The following PARP16 variants were observed in gnomAD, a reference collection of about 807,000 sequenced individuals.
The protein encoded by PARP16 is poly(ADP-ribose) polymerase family member 16.
Under a neutral mutation model 35.0 loss-of-function variants are expected in PARP16, and 31 were observed. The ratio of observed to expected loss-of-function variants is 0.88; its 90% CI spans 0.66 to 1.19. The LOEUF (loss-of-function observed/expected upper bound fraction) is 1.19. Ranked by LOEUF, PARP16 falls within the 50% of genes most tolerant of loss-of-function variation. PARP16 has a pLI of 0.00. For synonymous variants in PARP16, 162 were observed against 169.5 expected, an observed-to-expected ratio of 0.96 and a Z score of 0.34; for missense variants, 424 against 411.2, an observed-to-expected ratio of 1.03 and a Z score of -0.27.
At chr15:65,238,963 T>C (rs911219373) in intron 3 of PARP16, among the ~76,000 whole-genome samples, 3 of 152,030 alleles carry the variant, frequency 2.0e-5, no homozygotes, top group African/African-American at 7.3e-5. Context: ...ACCCTATTTC[T>C]ACAAAAAATA....
At chr15:65,244,450 C>G (rs2089156844) in intron 3 of PARP16, among the ~76,000 whole-genome samples, 1 of 152,088 alleles carries the variant, frequency 6.6e-6, no homozygotes, top group Non-Finnish European at 1.5e-5. Context: ...TGGCAGCAGG[C>G]AAGAGAGTGT....
At chr15:65,231,455 C>CT (rs1213680405), downstream of PARP16, among the ~76,000 whole-genome samples, 5,864 of 142,022 alleles carry the variant, frequency 0.041, 148 homozygotes, top group Middle Eastern at 0.11. Flanking sequence ...CAAATTATAC[C>CT]TTTTTTTTTT....
intron 2 of PARP16, among the ~76,000 whole-genome samples, chr15:65,269,192 C>T (rs924066677): frequency 7.5e-5 from 11 of 147,254 alleles, no homozygotes; most frequent in African/African-American, 2.9e-4. Context: ...TTCTTTCTTT[C>T]TTTCTTTCTT....
chr15:65,263,600 G>A (rs185953834), intron 3 of PARP16, among the ~76,000 whole-genome samples: 1 of 152,142 alleles, frequency 6.6e-6, no homozygotes, highest in Non-Finnish European at 1.5e-5. Flanking sequence ...GAAAAACATA[G>A]GTATAAGCAT....
chr15:65,256,583 A>G (rs974597540), downstream of PARP16, among the ~76,000 whole-genome samples: 3 of 151,604 alleles, frequency 2.0e-5, no homozygotes, highest in South Asian at 4.2e-4. Context: ...AATTTTTTGT[A>G]TTTTTAGTAG....
chr15:65,279,520 A>C (rs2090355667), intron 1 of PARP16, among the ~76,000 whole-genome samples: 1 of 152,062 alleles, frequency 6.6e-6, no homozygotes, highest in African/African-American at 2.4e-5. Context: ...CAGTCACATA[A>C]TATTATATGT....
chr15:65,243,830 T>G (rs1351311431), intron 3 of PARP16, among the ~76,000 whole-genome samples: 1 of 152,106 alleles, frequency 6.6e-6, no homozygotes, highest in Admixed American at 6.6e-5. Context: ...GGCCTTCCCC[T>G]CACTCCTCCC....
intron 3 of PARP16, among the ~76,000 whole-genome samples, chr15:65,240,837 A>G (rs1439656500): frequency 1.3e-5 from 2 of 151,930 alleles, no homozygotes; most frequent in African/African-American, 4.8e-5. Context: ...AACTGTTTCT[A>G]TTTTTATTGT....
intron 1 of PARP16, among the ~76,000 whole-genome samples, chr15:65,275,957 G>C (rs2090240583): frequency 6.6e-6 from 1 of 152,132 alleles, no homozygotes; most frequent in South Asian, 2.1e-4. Flanking sequence ...TCTAGGCCCA[G>C]AGAGCCCCAC....
intron 3 of PARP16, among the ~76,000 whole-genome samples, chr15:65,239,561 C>T (rs1039632058): frequency 6.6e-6 from 1 of 151,382 alleles, no homozygotes; most frequent in Non-Finnish European, 1.5e-5. Flanking sequence ...CCCTTCCCCA[C>T]CTCCCATTCC....
chr15:65,255,743 G>GAAAAAAAA (rs56665485), downstream of PARP16, among the ~76,000 whole-genome samples: 5 of 57,156 alleles, frequency 8.7e-5, no homozygotes, highest in Admixed American at 1.8e-4. Flanking sequence ...AGAAAACTCA[G>GAAAAAAAA]AAAAAAAAAA....
chr15:65,243,640 G>T (rs2089137107), intron 3 of PARP16, among the ~76,000 whole-genome samples: 1 of 152,144 alleles, frequency 6.6e-6, no homozygotes, highest in African/African-American at 2.4e-5. Flanking sequence ...TATTCTGGAA[G>T]ATTTTATATC....
At chr15:65,264,567 T>C (rs940533096) in intron 3 of PARP16, among the ~76,000 whole-genome samples, 1 of 152,222 alleles carries the variant, frequency 6.6e-6, no homozygotes, top group Non-Finnish European at 1.5e-5. Context: ...TGGGAAGCTC[T>C]TTGCCAAGTT....
At chr15:65,272,003 A>G (rs1290283347) in intron 1 of PARP16, among the ~76,000 whole-genome samples, 1 of 152,322 alleles carries the variant, frequency 6.6e-6, no homozygotes, top group Middle Eastern at 3.4e-3. Context: ...GAACACTGGA[A>G]GCTTTGTTGA....
chr15:65,250,106 CCTTTTTTTTTTTTT>C (rs2089317425), intron 2 of PARP16, among the ~76,000 whole-genome samples: 1 of 104,198 alleles, frequency 9.6e-6, no homozygotes, highest in Admixed American at 1.1e-4. Context: ...CACCTGCTTG[CCTTTTTTTTTTTTT>C]TTTTTTTTTT....
chr15:65,246,673 A>T (rs2089217092), intron 3 of PARP16, among the ~76,000 whole-genome samples: 1 of 152,176 alleles, frequency 6.6e-6, no homozygotes, highest in Non-Finnish European at 1.5e-5. Context: ...CCTGTCTTTC[A>T]TAGTACTTAT....
Position 65,260,938 on chromosome 15 carries a change from GT to G in PARP16, c.779del (p.Asn260ThrfsTer6). 1 of 1,613,994 alleles carries G rather than the reference GT, an allele frequency of 6.2e-7. No individual in the cohort carries two copies. The highest frequency in any genetic ancestry group is 8.5e-7 in the Non-Finnish European group (1 of 1,179,912). On this transcript the variant is annotated frameshift_variant, in exon 5 of 6. Transcript: ENST00000649807. LOFTEE classifies it high-confidence loss of function. ...IPPKYFVVTN[N>X]QLLRVKYLLV... ...GGAGGTACTTCACTCGCAGCAGCTG[GT>G]TATTGGTGACCACGAAGTACTTGGG...
intron 2 of PARP16, among the ~76,000 whole-genome samples, chr15:65,250,964 A>C (rs995915640): frequency 7.9e-5 from 12 of 151,982 alleles, no homozygotes; most frequent in African/African-American, 2.9e-4. Context: ...CCTCGCTACA[A>C]CCTTTGCCTC....
At position 65,258,466 on chromosome 15, in the gene PARP16, C is replaced by T. The variant is rs2089582789; in HGVS notation, c.*941G>A. On this transcript the variant is annotated 3_prime_UTR_variant, in exon 6 of 6. Transcript: ENST00000649807. ...CAGTAGGCCACAGAAGACCTGAAAG[C>T]ATGGCACTCGTGGTTGCAGGCCACA... 1 of 152,248 alleles carries T rather than the reference C, an allele frequency of 6.6e-6. No homozygotes were observed. The highest frequency in any genetic ancestry group is 6.5e-5 in the Admixed American group (1 of 15,278). 9.4% of individuals were successfully genotyped at this position (152,248 alleles called of 1,614,324 possible). A position where few individuals can be genotyped will look rare whatever the true frequency, so the allele number is the denominator to read the frequency against.
Sources: gnomAD v4.1 joint callset for allele counts (sites outside exome capture counted in the v4.1 genomes callset) on GRCh38, gnomAD v4.1.1 for gene constraint, MANE v1.5 for transcripts, NCBI Gene and HGNC (gene_info 2026-07-23, HGNC 2026-07-21) for gene names.